KIAA0825: variants seen among roughly 807,000 people sequenced by gnomAD.
KIAA0825 encodes the protein uncharacterized protein KIAA0825.
KIAA0825 carries 119 observed loss-of-function variants against 147.6 expected under a neutral mutation model. That is an observed-to-expected ratio of 0.81 (90% CI 0.69 to 0.94). The LOEUF is 0.94. Among genes scored for constraint, KIAA0825 ranks in the 40% least tolerant of loss-of-function variants. The pLI is 0.00. For synonymous variants in KIAA0825, 470 were observed against 518.1 expected, an observed-to-expected ratio of 0.91 and a Z score of 1.26; for missense variants, 1,381 against 1,472.7, an observed-to-expected ratio of 0.94 and a Z score of 1.02.
intron 3 of KIAA0825, among the ~76,000 whole-genome samples, chr5:94,525,142 G>A (rs746329482): frequency 1.4e-4 from 21 of 151,920 alleles, no homozygotes; most frequent in South Asian, 4.1e-4. Flanking sequence ...CTATGCATTT[G>A]TCTCTTAATC....
At chr5:94,379,991 C>A (rs1748160918) in intron 20 of KIAA0825, among the ~76,000 whole-genome samples, 1 of 151,378 alleles carries the variant, frequency 6.6e-6, no homozygotes, top group African/African-American at 2.4e-5. Context: ...GTAGCTGGGA[C>A]TACAGGTGCC....
chr5:94,580,535 G>A (rs921605163), intron 2 of KIAA0825, among the ~76,000 whole-genome samples: 6 of 150,374 alleles, frequency 4.0e-5, no homozygotes, highest in Non-Finnish European at 7.4e-5. Flanking sequence ...TTACAGATTG[G>A]TGTTCCTGGC....
intron 20 of KIAA0825, among the ~76,000 whole-genome samples, chr5:94,333,430 C>CG (rs1554259575): frequency 2.7e-5 from 4 of 147,772 alleles, no homozygotes; most frequent in African/African-American, 5.1e-5. Context: ...GGTTCAGTAT[C>CG]GGTTTTTTTG....
intron 20 of KIAA0825, among the ~76,000 whole-genome samples, chr5:94,264,827 G>A (rs1776670005): frequency 6.8e-6 from 1 of 147,498 alleles, no homozygotes; most frequent in Admixed American, 6.9e-5. Flanking sequence ...CTGTCTCCCA[G>A]GCTGGAGTGC....
At chr5:94,293,777 T>C (rs1301404423) in intron 20 of KIAA0825, among the ~76,000 whole-genome samples, 1 of 152,214 alleles carries the variant, frequency 6.6e-6, no homozygotes, top group Non-Finnish European at 1.5e-5. Context: ...AGAACTTGCT[T>C]TATGAATCTG....
chr5:94,322,060 A>T (rs1398472911), intron 20 of KIAA0825, among the ~76,000 whole-genome samples: 1 of 152,002 alleles, frequency 6.6e-6, no homozygotes, highest in Non-Finnish European at 1.5e-5. Context: ...ATGATGAATC[A>T]TGTGTTTTTA....
rs144726017 is a variant in KIAA0825, at chr5:94,246,476, T to A, written c.3711-92352A>T. On this transcript the variant is annotated intron_variant, in intron 20 of 20. Transcript: ENST00000682413. Reference sequence around the variant, plus strand: ...AGGGTGCGTGTGTGCCTTGGGAGAGTGGGTGGGTCAGGTGGGGTGGCACAC... The same window carrying A: ...AGGGTGCGTGTGTGCCTTGGGAGAGAGGGTGGGTCAGGTGGGGTGGCACAC... 3.0e-3 allele frequency among the ~76,000 whole-genome samples: 452 copies of A among 151,680 alleles called. 1 individual carries two copies. The highest frequency in any genetic ancestry group is 0.01 in the African/African-American group (422 of 41,340).
chr5:94,344,827 T>C (rs753634964), intron 20 of KIAA0825, among the ~76,000 whole-genome samples: 2 of 152,182 alleles, frequency 1.3e-5, no homozygotes, highest in African/African-American at 2.4e-5. Flanking sequence ...AGGATTAATA[T>C]TGTATGATTC....
intron 5 of KIAA0825, among the ~76,000 whole-genome samples, chr5:94,487,369 T>G (rs1763180772): frequency 6.6e-6 from 1 of 152,230 alleles, no homozygotes; most frequent in African/African-American, 2.4e-5. Context: ...CAAGGGGTAT[T>G]GTACAGGTTC....
At chr5:94,598,885 T>G (rs1002337314) in intron 1 of KIAA0825, among the ~76,000 whole-genome samples, 7 of 152,174 alleles carry the variant, frequency 4.6e-5, no homozygotes, top group African/African-American at 1.7e-4. Context: ...GATAGACGTT[T>G]AGGTTGATTT....
At chr5:94,370,030 A>G (rs1746445102) in intron 20 of KIAA0825, among the ~76,000 whole-genome samples, 1 of 152,178 alleles carries the variant, frequency 6.6e-6, no homozygotes, top group African/African-American at 2.4e-5. Context: ...TTCATGCAAA[A>G]CCTGTATACA....
rs869059424 is a variant in KIAA0825 at position 94,224,082 on chromosome 5, C to CT, written c.3711-69959dup. On this transcript the variant is annotated intron_variant, in intron 20 of 20. Transcript: ENST00000682413. The stretch of plus-strand genomic sequence containing the variant: ...TTTCTTTTCTCTTTCTTTTTCTTTT[C>CT]TTTTTTTTTTTTTTTTTTTTTTTTT... Among the ~76,000 whole-genome samples, 98 of 56,482 alleles carry CT rather than the reference C, an allele frequency of 1.7e-3. 12 individuals are homozygous for CT. The highest frequency in any genetic ancestry group is 4.8e-3 in the South Asian group (6 of 1,240). The allele number at this position is 56,482 out of a possible 152,430, so 37.1% of individuals were successfully genotyped here. A position where few individuals can be genotyped will look rare whatever the true frequency, so the allele number is the denominator to read the frequency against.
chr5:94,345,221 G>GT (rs944584592), intron 20 of KIAA0825, among the ~76,000 whole-genome samples: 35 of 152,196 alleles, frequency 2.3e-4, no homozygotes, highest in African/African-American at 7.5e-4. Context: ...CTGGGCATAG[G>GT]TTATCAGTGG....
In KIAA0825 at chr5:94,440,111, C is replaced by T. The variant is rs1451753849; in HGVS notation, c.2368G>A (p.Ala790Thr). Reference protein sequence around the residue: ...FYPSLLRTPSAGGLKAEGQLK... With the variant: ...FYPSLLRTPSTGGLKAEGQLK... ...TGACCCTCGGCTTTCAGTCCTCCAG[C>T]TGATGGAGTCCTTTCAAAATGCAAG... The change falls in exon 14 of 21, where the codon GCT becomes ACT. Residue 790 changes from alanine to threonine, a missense_variant. Ala to Thr is a moderately conservative substitution (Grantham distance 58, BLOSUM62 0). Coordinates refer to ENST00000682413, the MANE Select transcript of KIAA0825 (RefSeq NM_001145678.3). The T allele has an allele frequency of 1.9e-6, 3 of 1,550,370 alleles. No individual in the cohort carries two copies. In the Admixed American group the frequency reaches 5.9e-5, roughly 31 times the overall value.
intron 3 of KIAA0825, among the ~76,000 whole-genome samples, chr5:94,530,155 C>T (rs146100309): frequency 1.3e-4 from 20 of 151,062 alleles, no homozygotes; most frequent in African/African-American, 2.9e-4. Flanking sequence ...CCTGTAATCC[C>T]AGCTACTTGG....
intron 14 of KIAA0825, among the ~76,000 whole-genome samples, chr5:94,422,934 C>T (rs932007132): frequency 5.3e-5 from 8 of 152,210 alleles, no homozygotes; most frequent in African/African-American, 1.9e-4. Context: ...CACCCCACTT[C>T]TCATTTTCCC....
intron 4 of KIAA0825, among the ~76,000 whole-genome samples, chr5:94,523,536 G>T (rs1349460818): frequency 6.6e-6 from 1 of 151,458 alleles, no homozygotes. Context: ...AATACATGGG[G>T]ATCTTATTAT....
At chr5:94,374,471 C>T (rs1326738602) in intron 20 of KIAA0825, among the ~76,000 whole-genome samples, 2 of 152,192 alleles carry the variant, frequency 1.3e-5, no homozygotes, top group Non-Finnish European at 2.9e-5. Context: ...GTGGTAGCCA[C>T]AGAATTGTAT....
intron 13 of KIAA0825, among the ~76,000 whole-genome samples, chr5:94,450,267 C>G (rs1454461557): frequency 6.7e-6 from 1 of 148,908 alleles, no homozygotes; most frequent in Non-Finnish European, 1.5e-5. Flanking sequence ...TTTTTGTGCT[C>G]TAAATATGGT....
Sources: allele counts gnomAD v4.1 joint callset (sites outside exome capture counted in the v4.1 genomes callset), GRCh38; gene constraint gnomAD v4.1.1; transcripts MANE v1.5; gene names NCBI Gene and HGNC (gene_info 2026-07-23, HGNC 2026-07-21).